CCDC88C: variants seen among roughly 807,000 people sequenced by gnomAD.
The protein encoded by CCDC88C is coiled-coil and HOOK domain protein 88C.
In CCDC88C, 131 loss-of-function variants were observed where a neutral mutation model predicts 198.8. The ratio of observed to expected loss-of-function variants is 0.66; its 90% confidence interval spans 0.57 to 0.76. The LOEUF is 0.76. Ranked by LOEUF, CCDC88C falls within the 30% of genes least tolerant of loss-of-function variation. The pLI, the probability that CCDC88C is intolerant of heterozygous loss-of-function variation, is 0.00. For synonymous variants in CCDC88C, 1,166 were observed against 1,114.7 expected, an observed-to-expected ratio of 1.05 and a Z score of -0.92; for missense variants, 2,553 against 2,631.6, an observed-to-expected ratio of 0.97 and a Z score of 0.65.
At chr14:91,343,521 G>A in intron 5 of CCDC88C, 78 bp downstream of exon 5, 1 of 1,586,900 alleles carries the variant, frequency 6.3e-7, no homozygotes, top group Non-Finnish European at 8.6e-7. Context: ...CCTAAGCTAA[G>A]GGCTCGGTCA....
chr14:91,379,328 A>T (rs977989299), intron 3 of CCDC88C: 1 of 153,486 alleles, frequency 6.5e-6, no homozygotes, highest in African/African-American at 2.4e-5. Context: ...CAGGGCAAGA[A>T]GCCACAGGGG....
chr14:91,336,726 G>A (rs1254363684), intron 10 of CCDC88C, among the ~76,000 whole-genome samples: 1 of 152,216 alleles, frequency 6.6e-6, no homozygotes, highest in African/African-American at 2.4e-5. Context: ...AGGAGCCTTA[G>A]CATGCAAAGA....
rs571881793 is a variant in CCDC88C at position 91,285,432 on chromosome 14, A to T, written c.4442-1915T>A. 3.2e-5 allele frequency: 13 copies of T among 406,812 alleles called. No homozygotes were observed. The African/African-American group carries it at 3.5e-4, about 11-fold the overall frequency. The allele number at this position is 406,812 out of a possible 1,614,324, so 25.2% of individuals were successfully genotyped here. A position where few individuals can be genotyped will look rare whatever the true frequency, so the allele number is the denominator to read the frequency against. On this transcript the variant is annotated intron_variant, in intron 25 of 29. Coordinates refer to ENST00000389857, the MANE Select transcript of CCDC88C (RefSeq NM_001080414.4). The stretch of plus-strand genomic sequence containing the variant: ...TCCTGGCCCAAGGACATGTGCACGT[A>T]TATCCTGAGGCTCCCCCTAAAACTG...
In CCDC88C at chr14:91,321,284, A is replaced by G; in HGVS notation, c.1363T>C (p.Phe455Leu). The G allele has an allele frequency of 6.4e-7, 1 of 1,559,212 alleles. No individual in the cohort carries two copies. Among genetic ancestry groups the G allele is most frequent in the Non-Finnish European group, 8.7e-7 (1 of 1,151,128 alleles). The stretch of plus-strand genomic sequence containing the variant: ...CTGGACGCACATTCGTTCAGCTCAA[A>G]CACAAACGACTTCCTGGAGGCTGAA... ...LSDASRKSFV[F>L]ELNECASSRI... The change falls in exon 13 of 30, where the codon TTT (phenylalanine) becomes CTT (leucine). Residue 455 changes from phenylalanine (F) to leucine (L), a missense_variant. Transcript: ENST00000389857.
intron 2 of CCDC88C, among the ~76,000 whole-genome samples, chr14:91,415,129 A>G (rs1476906095): frequency 6.6e-6 from 1 of 152,180 alleles, no homozygotes; most frequent in African/African-American, 2.4e-5. Context: ...GGGTAAGGAC[A>G]GGTTGAAGTT....
rs1052416520 is a variant in CCDC88C at position 91,338,391 on chromosome 14, A to C, written c.891+98T>G. On this transcript the variant is annotated intron_variant, in intron 9 of 29. Coordinates refer to ENST00000389857, the MANE Select transcript of CCDC88C (RefSeq NM_001080414.4). The surrounding 1 kb of genome is among the most constrained non-coding windows in gnomAD (Gnocchi z 4.8). ...AGGACAAGTGGCTCTTGTGTGGCTT[A>C]AAAGCGCTGCTGTTGAGCTCCTGAC... 2.6e-6 allele frequency: 3 copies of C among 1,140,476 alleles called. No homozygotes were observed. In the African/African-American group the frequency reaches 4.6e-5, roughly 18 times the overall value. The allele number at this position is 1,140,476 out of a possible 1,614,324, so 70.6% of individuals were successfully genotyped here. A position where few individuals can be genotyped will look rare whatever the true frequency, so the allele number is the denominator to read the frequency against.
Position 91,315,188 on chromosome 14 carries a change from G to A in CCDC88C, c.1665+462C>T, listed in dbSNP as rs533328576. 4.6e-5 allele frequency among the ~76,000 whole-genome samples: 7 copies of A among 152,176 alleles called. No homozygotes were observed. In the East Asian group the frequency reaches 1.2e-3, roughly 25 times the overall value. On this transcript the variant is annotated intron_variant, in intron 14 of 29. Coordinates refer to ENST00000389857, the MANE Select transcript of CCDC88C (RefSeq NM_001080414.4). ...CACTGCTAAGGCTGGCAGAGCTGTA[G>A]GCAAGAGGCCTGGTTCCTGATGGCA...
Position 91,284,851 on chromosome 14 carries a change from A to G in CCDC88C, c.4442-1334T>C, listed in dbSNP as rs1890337972. On this transcript the variant is annotated intron_variant, in intron 25 of 29. Transcript: ENST00000389857. This position sits in a 1 kb window ranked among gnomAD's most constrained non-coding sequence, Gnocchi z 4.1. ...AACATGCAGGTAATCATATTTTTGT[A>G]GGTAATCATAGACGGTATCAGGATA... Among the ~76,000 whole-genome samples the G allele has an allele frequency of 6.6e-6, 1 of 152,238 alleles. No homozygotes were observed. Among genetic ancestry groups the G allele is most frequent in the Non-Finnish European group, 1.5e-5 (1 of 68,048 alleles).
chr14:91,297,410 G>T lies in CCDC88C; in HGVS notation c.3861C>A (p.Asn1287Lys). 6.2e-7 allele frequency: 1 copy of T among 1,610,292 alleles called. No homozygotes were observed. The highest frequency in any genetic ancestry group is 2.2e-5 in the East Asian group (1 of 44,778). Reference protein sequence around the residue: ...AHTKELKTSLNNAQLELNRWQ... With the variant: ...AHTKELKTSLKNAQLELNRWQ... The stretch of plus-strand genomic sequence containing the variant: ...AGCGGTTGAGCTCCAGCTGCGCGTT[G>T]TTCAGTGAGGTTTTCAGCTCCTTGG... The change falls in exon 22 of 30, where the codon AAC becomes AAA. Residue 1287 changes from asparagine (N) to lysine (K), a missense_variant. Coordinates refer to ENST00000389857, the MANE Select transcript of CCDC88C (RefSeq NM_001080414.4).
chr14:91,401,236 T>TATATATTATATAATATATACATTA, intron 3 of CCDC88C, among the ~76,000 whole-genome samples: 1 of 117,800 alleles, frequency 8.5e-6, no homozygotes, highest in East Asian at 2.2e-4. Flanking sequence ...ATATATATAT[T>TATATATTATATAATATATACATTA]TATATATTAT....
At chr14:91,400,649 T>G (rs527987645) in intron 3 of CCDC88C, among the ~76,000 whole-genome samples, 1 of 152,172 alleles carries the variant, frequency 6.6e-6, no homozygotes, top group Admixed American at 6.5e-5. Flanking sequence ...CACCCAGACA[T>G]TGCAAACACA....
intron 3 of CCDC88C, among the ~76,000 whole-genome samples, chr14:91,406,757 G>T (rs922166536): frequency 4.6e-5 from 7 of 152,226 alleles, no homozygotes; most frequent in African/African-American, 1.7e-4. Flanking sequence ...GTCATTGACA[G>T]CACCATTGCC....
At chr14:91,277,406 A>G (rs1596013314) in intron 29 of CCDC88C, among the ~76,000 whole-genome samples, 1 of 152,246 alleles carries the variant, frequency 6.6e-6, no homozygotes, top group African/African-American at 2.4e-5. Context: ...GTCAGTGTCC[A>G]TAAGTAAAGC....
intron 29 of CCDC88C, 68 bp downstream of exon 29, chr14:91,277,854 A>C: frequency 7.0e-7 from 1 of 1,433,792 alleles, no homozygotes; most frequent in Non-Finnish European, 9.2e-7. Context: ...TTCTGCAGCT[A>C]TGATCTTGAG....
intron 3 of CCDC88C, among the ~76,000 whole-genome samples, chr14:91,405,735 C>T (rs578241437): frequency 5.3e-5 from 8 of 152,060 alleles, no homozygotes; most frequent in East Asian, 3.8e-4. Flanking sequence ...ACAAAGAGCA[C>T]GTACAGTATG....
chr14:91,366,482 T>TA (rs996422313), intron 3 of CCDC88C, among the ~76,000 whole-genome samples: 8 of 149,620 alleles, frequency 5.3e-5, no homozygotes, highest in Admixed American at 2.0e-4. Context: ...CAAGACGGTC[T>TA]AAAAAAATAT....
rs1405219421 is a variant in CCDC88C at position 91,352,173 on chromosome 14, G to C, written c.340+7469C>G. 6.6e-6 allele frequency among the ~76,000 whole-genome samples: 1 copy of C among 152,262 alleles called. No homozygotes were observed. The highest frequency in any genetic ancestry group is 1.5e-5 in the Non-Finnish European group (1 of 68,048). ...TCCTCCGCAGACGGCGGTGGCCACA[G>C]AGAGTAGGGCTGCTGGAAGCCATGG... On this transcript the variant is annotated intron_variant, in intron 4 of 29. Transcript: ENST00000389857. The surrounding 1 kb of genome is among the most constrained non-coding windows in gnomAD (Gnocchi z 4.2).
chr14:91,273,461 C>T lies in CCDC88C; in HGVS notation c.5251G>A (p.Val1751Ile), dbSNP rs142295786. The T allele has an allele frequency of 1.9e-3, 3,059 of 1,587,506 alleles. 9 individuals are homozygous for T. The highest frequency in any genetic ancestry group is 2.3e-3 in the Non-Finnish European group (2,691 of 1,165,922). ...TCAGTCAGTCTGAAGTTTGGCTTTACGTACTGCCCGGGCTTCAGCGGCCTC... is the reference window on the plus strand; with the variant it reads ...TCAGTCAGTCTGAAGTTTGGCTTTATGTACTGCCCGGGCTTCAGCGGCCTC... Reference protein sequence around the residue: ...EGRPLKPGQYVKPNFRLTEAE... With the variant: ...EGRPLKPGQYIKPNFRLTEAE... Residue 1751 changes from valine to isoleucine, a missense_variant, in exon 30 of 30, where the codon GTA (valine) becomes ATA (isoleucine). Val to Ile is a conservative substitution (Grantham distance 29). This residue lies in a region of CCDC88C where 1,293 missense variants were observed against 1,219.6 expected (regional missense o/e 1.06). Transcript: ENST00000389857. This position sits in a 1 kb window ranked among gnomAD's most constrained non-coding sequence, Gnocchi z 5.6.
chr14:91,325,660 T>C lies in CCDC88C; in HGVS notation c.1197+250A>G, dbSNP rs1019757872. Among the ~76,000 whole-genome samples the C allele has an allele frequency of 1.3e-5, 2 of 152,142 alleles. No homozygotes were observed. The highest frequency in any genetic ancestry group is 4.8e-5 in the African/African-American group (2 of 41,426). ...GGTGTGATCACGGCTCACTGCAGCCTCAACCTCCCAGGCTCAAGCAACCCT... is the reference window on the plus strand; with the variant it reads ...GGTGTGATCACGGCTCACTGCAGCCCCAACCTCCCAGGCTCAAGCAACCCT... On this transcript the variant is annotated intron_variant, in intron 11 of 29. Coordinates refer to ENST00000389857, the MANE Select transcript of CCDC88C (RefSeq NM_001080414.4). The surrounding 1 kb of genome is among the most constrained non-coding windows in gnomAD (Gnocchi z 4.1).
Sources: gnomAD v4.1 joint callset for allele counts (sites outside exome capture counted in the v4.1 genomes callset) on GRCh38, gnomAD v4.1.1 for gene constraint, gnomAD v4.1.1 regional missense constraint, Gnocchi (gnomAD v3.1) non-coding constraint, MANE v1.5 for transcripts, NCBI Gene and HGNC (gene_info 2026-07-23, HGNC 2026-07-21) for gene names.